Variants in FBXW7 observed in about 807,000 individuals in gnomAD.
FBXW7 encodes the protein F-box and WD repeat domain containing 7, also known as F-box/WD repeat-containing protein 7.
FBXW7 carries 11 observed loss-of-function variants against 86.3 expected under a neutral mutation model. That is an observed-to-expected ratio of 0.13 (90% CI 0.08 to 0.21). The LOEUF is 0.21. Ranked by LOEUF, FBXW7 falls within the 10% of genes least tolerant of loss-of-function variation. The pLI is 1.00. For synonymous variants in FBXW7, 313 were observed against 297.9 expected, an observed-to-expected ratio of 1.05 and a Z score of -0.52; for missense variants, 488 against 847.4, an observed-to-expected ratio of 0.58 and a Z score of 5.27.
chr4:152,519,299 AAAATAAAT>A (rs372626356), intron 2 of FBXW7, among the ~76,000 whole-genome samples: 11 of 151,960 alleles, frequency 7.2e-5, no homozygotes, highest in Admixed American at 1.3e-4. Context: ...CTCTGTCTCA[AAAATAAAT>A]AAATAAATAA....
At chr4:152,471,882 AGAGT>A (rs1744000033) in intron 2 of FBXW7, among the ~76,000 whole-genome samples, 1 of 152,154 alleles carries the variant, frequency 6.6e-6, no homozygotes, top group Admixed American at 6.5e-5. Flanking sequence ...CCTGGGTGAC[AGAGT>A]GAGACCCTGT....
chr4:152,349,624 G>T (rs899534312), intron 5 of FBXW7, among the ~76,000 whole-genome samples: 2 of 151,876 alleles, frequency 1.3e-5, no homozygotes, highest in African/African-American at 4.8e-5. Flanking sequence ...TTAATTTCAT[G>T]AAATAAGATT....
chr4:152,534,116 C>T (rs976751509), intron 2 of FBXW7, among the ~76,000 whole-genome samples: 3 of 152,078 alleles, frequency 2.0e-5, no homozygotes, highest in African/African-American at 7.2e-5. Flanking sequence ...GTTTTATAAA[C>T]TTCAGCTTTA....
At chr4:152,384,887 C>A (rs960245306) in intron 4 of FBXW7, among the ~76,000 whole-genome samples, 1 of 151,918 alleles carries the variant, frequency 6.6e-6, no homozygotes, top group African/African-American at 2.4e-5. Flanking sequence ...CCCTATGAGA[C>A]AACTTACTAT....
intron 4 of FBXW7, among the ~76,000 whole-genome samples, chr4:152,387,959 C>T (rs1012280289): frequency 5.9e-5 from 9 of 151,994 alleles, no homozygotes; most frequent in African/African-American, 2.2e-4. Flanking sequence ...CCGCCCACCT[C>T]GGCCTCCCAA....
rs181113315 is a variant in FBXW7, at chr4:152,322,763, T to C, written c.*118A>G. 6.7e-7 allele frequency: 1 copy of C among 1,494,306 alleles called. No homozygotes were observed. Among genetic ancestry groups the C allele is most frequent in the East Asian group, 2.3e-5 (1 of 43,286 alleles). 92.6% of individuals were successfully genotyped at this position (1,494,306 alleles called of 1,614,324 possible). A position where few individuals can be genotyped will look rare whatever the true frequency, so the allele number is the denominator to read the frequency against. The stretch of plus-strand genomic sequence containing the variant: ...TTCAATCTGTTGCCCCAAGCCAACA[T>C]CCTGCACCACTGAGAACAAGGGATT... On this transcript the variant is annotated 3_prime_UTR_variant, in exon 14 of 14. Coordinates refer to ENST00000281708, the MANE Select transcript of FBXW7 (RefSeq NM_001349798.2).
At position 152,514,061 on chromosome 4, in the gene FBXW7, A is replaced by T. The variant is rs1007781352; in HGVS notation, c.-120+20880T>A. ...TTCATATTGATTACATGTTAAAATA[A>T]CATTTGGGATATATTGTGTTAAATA... On this transcript the variant is annotated intron_variant, in intron 2 of 13. Transcript: ENST00000281708. 7.2e-4 allele frequency among the ~76,000 whole-genome samples: 109 copies of T among 152,352 alleles called. 1 individual carries two copies. The highest frequency in any genetic ancestry group is 2.6e-3 in the African/African-American group (108 of 41,584).
chr4:152,427,656 C>T (rs1739508177), intron 2 of FBXW7, among the ~76,000 whole-genome samples: 1 of 152,182 alleles, frequency 6.6e-6, no homozygotes. Context: ...AGAGCAGTTT[C>T]CACACCTTTT....
At chr4:152,482,245 C>G (rs575809467) in intron 2 of FBXW7, among the ~76,000 whole-genome samples, 1 of 152,114 alleles carries the variant, frequency 6.6e-6, no homozygotes, top group Non-Finnish European at 1.5e-5. Context: ...CAATTTTTAG[C>G]AATAAAGTAT....
At chr4:152,432,963 ATATG>A (rs1740049134) in intron 2 of FBXW7, among the ~76,000 whole-genome samples, 1 of 152,100 alleles carries the variant, frequency 6.6e-6, no homozygotes, top group Admixed American at 6.5e-5. Flanking sequence ...CATCATTTTT[ATATG>A]ATGTTTATAT....
At chr4:152,408,080 A>T (rs1737584629) in intron 4 of FBXW7, among the ~76,000 whole-genome samples, 1 of 152,222 alleles carries the variant, frequency 6.6e-6, no homozygotes, top group South Asian at 2.1e-4. Context: ...GAAGAATCTA[A>T]CAATCAAGAT....
rs564667761 is a variant in FBXW7, at chr4:152,505,215, A to G, written c.-120+29726T>C. 2.6e-5 allele frequency among the ~76,000 whole-genome samples: 4 copies of G among 152,326 alleles called. No homozygotes were observed. In the East Asian group the frequency reaches 5.8e-4, roughly 22 times the overall value. On this transcript the variant is annotated intron_variant, in intron 2 of 13. Coordinates refer to ENST00000281708, the MANE Select transcript of FBXW7 (RefSeq NM_001349798.2). The stretch of plus-strand genomic sequence containing the variant: ...AAACGGTGCATCTGTATCATAAATT[A>G]AGCTAGCAGGACTGGAAGGTGCTCT...
At position 152,321,182 on chromosome 4, in the gene FBXW7, CTTAT is replaced by C; in HGVS notation, c.*1695_*1698del. ...AGGATGCAAAGAAACCAAGATTTTGCTTATTTAAATATTATAGACAAATCCTAAA... is the reference window on the plus strand; with the variant it reads ...AGGATGCAAAGAAACCAAGATTTTGCTTAAATATTATAGACAAATCCTAAA... On this transcript the variant is annotated 3_prime_UTR_variant, in exon 14 of 14. Transcript: ENST00000281708. 1 of 213,356 alleles carries C rather than the reference CTTAT, an allele frequency of 4.7e-6. No individual in the cohort carries two copies. The highest frequency in any genetic ancestry group is 9.5e-6 in the Non-Finnish European group (1 of 105,750). The allele number at this position is 213,356 out of a possible 1,614,324, so 13.2% of individuals were successfully genotyped here.
At chr4:152,390,158 T>C (rs187331229) in intron 4 of FBXW7, among the ~76,000 whole-genome samples, 4 of 152,096 alleles carry the variant, frequency 2.6e-5, no homozygotes, top group Non-Finnish European at 4.4e-5. Context: ...AACACTAGCA[T>C]ATAGAGTATA....
In FBXW7 at chr4:152,347,075, C is replaced by CA. The variant is rs745908066; in HGVS notation, c.585-5dup. 0.07 allele frequency: 83,417 copies of CA among 1,191,356 alleles called. 4 individuals carry two copies. Among genetic ancestry groups the CA allele is most frequent in the Non-Finnish European group, 0.073 (65,983 of 908,064 alleles). 73.8% of individuals were successfully genotyped at this position (1,191,356 alleles called of 1,614,324 possible). ...ACATGGTACAAGCCCAGTGGTACTA[C>CA]AAAAAAAAAAAAAAGAGAGAGAGAA... On this transcript the variant is annotated splice_polypyrimidine_tract_variant and splice_region_variant and intron_variant, in intron 5 of 13. Transcript: ENST00000281708.
intron 2 of FBXW7, among the ~76,000 whole-genome samples, chr4:152,519,312 A>C: frequency 6.6e-6 from 1 of 151,288 alleles, no homozygotes; most frequent in Non-Finnish European, 1.5e-5. Context: ...ATAAATAAAT[A>C]AATAAATAAA....
intron 4 of FBXW7, among the ~76,000 whole-genome samples, chr4:152,354,039 G>A (rs995826028): frequency 6.6e-6 from 1 of 151,964 alleles, no homozygotes; most frequent in African/African-American, 2.4e-5. Flanking sequence ...TTAGTAAAAT[G>A]GTTCTAAATA....
rs74349038 is a variant in FBXW7 at position 152,389,410 on chromosome 4, C to T, written c.501+21893G>A. ...ACATATATATATGTTTACACACACA[C>T]ACAAATGGAATACTATTCAGCTATA... On this transcript the variant is annotated intron_variant, in intron 4 of 13. Transcript: ENST00000281708. 2.0e-5 allele frequency among the ~76,000 whole-genome samples: 3 copies of T among 152,136 alleles called. No homozygotes were observed. In the East Asian group the frequency reaches 5.8e-4, roughly 29 times the overall value.
intron 2 of FBXW7, among the ~76,000 whole-genome samples, chr4:152,418,998 T>C (rs74289467): frequency 0.014 from 2,079 of 152,264 alleles, 25 homozygotes; most frequent in Middle Eastern, 0.037. Context: ...TATCAGCCTA[T>C]ACAAGAAGTA....
Sources: allele counts gnomAD v4.1 joint callset (sites outside exome capture counted in the v4.1 genomes callset), GRCh38; gene constraint gnomAD v4.1.1; transcripts MANE v1.5; gene names NCBI Gene and HGNC (gene_info 2026-07-23, HGNC 2026-07-21).